Variants in ZRANB3 observed in about 807,000 individuals in gnomAD.
ZRANB3 encodes the protein DNA annealing helicase and endonuclease ZRANB3.
In ZRANB3, 125 loss-of-function variants were observed where a neutral mutation model predicts 133.8. The observed-to-expected ratio is 0.93, with a 90% CI of 0.81 to 1.08. The LOEUF (loss-of-function observed/expected upper bound fraction) is 1.08. Ranked by LOEUF, ZRANB3 falls within the 50% of genes least tolerant of loss-of-function variation. The probability of loss-of-function intolerance (pLI) is 0.00; values close to 1 mark genes in which losing one functional copy is unlikely to be tolerated. For missense variants in ZRANB3, 1,229 were observed against 1,275.5 expected (o/e 0.96, Z 0.56); for synonymous variants, 387 against 432.7 (o/e 0.89, Z 1.31).
chr2:135,505,043 T>C (rs1693112478), intron 1 of ZRANB3, among the ~76,000 whole-genome samples: 1 of 152,068 alleles, frequency 6.6e-6, no homozygotes, highest in South Asian at 2.1e-4. Context: ...ATTAATTCTT[T>C]TTAATGAGCT....
At chr2:135,360,319 T>G (rs1292223248) in intron 3 of ZRANB3, among the ~76,000 whole-genome samples, 1 of 151,708 alleles carries the variant, frequency 6.6e-6, no homozygotes, top group Non-Finnish European at 1.5e-5. Context: ...AGGCGGAGGT[T>G]GCAGTGAGCT....
rs374682433 is a variant in ZRANB3, at chr2:135,350,095, G to C, written c.480C>G (p.His160Gln). The change falls in exon 5 of 21, where the codon CAC (histidine) becomes CAG (glutamine). Residue 160 changes from histidine to glutamine, a missense_variant. Transcript: ENST00000264159. ...GAGTTGCATTTCTGGATTTCATGTA[G>C]TGTGATTCATCCACTATAACTACTT... ...NFKVVIVDES[H>Q]YMKSRNATRS... 8 of 1,613,672 alleles carry C rather than the reference G, an allele frequency of 5.0e-6. No homozygotes were observed. Among genetic ancestry groups the C allele is most frequent in the Non-Finnish European group, 6.8e-6 (8 of 1,179,870 alleles).
intron 8 of ZRANB3, among the ~76,000 whole-genome samples, chr2:135,278,359 A>G (rs189988256): frequency 2.0e-4 from 30 of 152,344 alleles, no homozygotes; most frequent in African/African-American, 6.7e-4. Flanking sequence ...TAAAAATCAG[A>G]TAGAATAGTA....
chr2:135,200,512 T>C, intron 20 of ZRANB3, 72 bp from the exon 21 acceptor site: 1 of 1,292,624 alleles, frequency 7.7e-7, no homozygotes. Context: ...AAAAACTCTT[T>C]ATATTGTTAG....
At position 135,217,458 on chromosome 2, in the gene ZRANB3, C is replaced by G; in HGVS notation, c.2495+7G>C. 6.2e-7 allele frequency: 1 copy of G among 1,600,230 alleles called. No homozygotes were observed. Among genetic ancestry groups the G allele is most frequent in the Non-Finnish European group, 8.5e-7 (1 of 1,175,056 alleles). On this transcript the variant is annotated splice_region_variant and intron_variant, in intron 17 of 20. Coordinates refer to ENST00000264159, the MANE Select transcript of ZRANB3 (RefSeq NM_032143.4). Reference sequence around the variant, plus strand: ...TAATACAAAATTTAAAAAAAGACAACTCATACCTTTTGGTGCAATTTTGTT... The same window carrying G: ...TAATACAAAATTTAAAAAAAGACAAGTCATACCTTTTGGTGCAATTTTGTT...
intron 2 of ZRANB3, among the ~76,000 whole-genome samples, chr2:135,436,529 T>C (rs922677914): frequency 6.6e-6 from 1 of 151,980 alleles, no homozygotes; most frequent in Non-Finnish European, 1.5e-5. Flanking sequence ...ACAAAAAGAA[T>C]AAAATACCTA....
intron 2 of ZRANB3, among the ~76,000 whole-genome samples, chr2:135,496,384 TAAAAA>T (rs56770947): frequency 1.5e-4 from 5 of 33,320 alleles, no homozygotes; most frequent in Admixed American, 3.8e-4. Context: ...AACTCCATCT[TAAAAA>T]AAAAAAAAAA....
chr2:135,329,328 A>T (rs771505716), intron 6 of ZRANB3, among the ~76,000 whole-genome samples: 23 of 152,072 alleles, frequency 1.5e-4, no homozygotes, highest in Non-Finnish European at 2.8e-4. Flanking sequence ...TCCTTTCCCC[A>T]TATTTGTTTT....
rs776713406 is a variant in ZRANB3 at position 135,230,512 on chromosome 2, C to T, written c.1954+1G>A. On this transcript the variant is annotated splice_donor_variant, in intron 13 of 20. Transcript: ENST00000264159. LOFTEE classifies it high-confidence loss of function. ...TCCATGGTCACCTTCTATATACTCA[C>T]CAGCACTGCCTTGAGGAGTCTCACA... 14 of 1,523,576 alleles carry T rather than the reference C, an allele frequency of 9.2e-6. No individual in the cohort carries two copies. Among genetic ancestry groups the T allele is most frequent in the Non-Finnish European group, 1.1e-5 (13 of 1,139,364 alleles). The allele number at this position is 1,523,576 out of a possible 1,614,324, so 94.4% of individuals were successfully genotyped here.
intron 4 of ZRANB3, among the ~76,000 whole-genome samples, chr2:135,351,549 T>C (rs1018415870): frequency 6.6e-6 from 1 of 152,172 alleles, no homozygotes; most frequent in South Asian, 2.1e-4. Flanking sequence ...CCGAGACCTA[T>C]AATTTTCTCA....
At chr2:135,389,937 G>C (rs569097617) in intron 3 of ZRANB3, among the ~76,000 whole-genome samples, 1 of 132,312 alleles carries the variant, frequency 7.6e-6, no homozygotes, top group Non-Finnish European at 1.5e-5. Context: ...CTGGAGTGCA[G>C]TGGCATGCTT....
chr2:135,270,456 T>G (rs564000132), intron 10 of ZRANB3, among the ~76,000 whole-genome samples: 1 of 152,272 alleles, frequency 6.6e-6, no homozygotes, highest in Non-Finnish European at 1.5e-5. Context: ...AAGCACAGCC[T>G]TGAATAAAAT....
chr2:135,489,187 T>G (rs1398001576), intron 2 of ZRANB3, among the ~76,000 whole-genome samples: 3 of 150,190 alleles, frequency 2.0e-5, no homozygotes, highest in Non-Finnish European at 4.4e-5. Flanking sequence ...TGGAAACACA[T>G]AAGAAAAACA....
At position 135,390,080 on chromosome 2, in the gene ZRANB3, C is replaced by T. The variant is rs533835724; in HGVS notation, c.180+722G>A. 8.4e-4 allele frequency among the ~76,000 whole-genome samples: 127 copies of T among 151,820 alleles called. 1 individual carries two copies. Among genetic ancestry groups the T allele is most frequent in the African/African-American group, 2.7e-3 (113 of 41,442 alleles). On this transcript the variant is annotated intron_variant, in intron 3 of 20. Coordinates refer to ENST00000264159, the MANE Select transcript of ZRANB3 (RefSeq NM_032143.4). ...TATTTTAATAGAGATGGGGTTTCAC[C>T]GTGTTAGCCAGGATGGTCTCAAACT...
chr2:135,418,395 C>A (rs925002993), intron 2 of ZRANB3, among the ~76,000 whole-genome samples: 2 of 152,070 alleles, frequency 1.3e-5, no homozygotes, highest in Admixed American at 6.5e-5. Context: ...TTATTTTAAA[C>A]AAACTTCTGG....
chr2:135,281,361 A>T lies in ZRANB3; in HGVS notation c.967-5606T>A, dbSNP rs190609297. Among the ~76,000 whole-genome samples, 1,068 of 151,006 alleles carry T rather than the reference A, an allele frequency of 7.1e-3. 11 individuals carry two copies. The highest frequency in any genetic ancestry group is 0.024 in the African/African-American group (1,001 of 41,224). ...GACCTTTTAAGCTCTTTTTTTTTTT[A>T]AAGCTCTTTTAATGTCTTCTTAGTC... On this transcript the variant is annotated intron_variant, in intron 8 of 20. Coordinates refer to ENST00000264159, the MANE Select transcript of ZRANB3 (RefSeq NM_032143.4).
chr2:135,223,348 CAG>C (rs1373270255), intron 15 of ZRANB3, among the ~76,000 whole-genome samples: 1 of 147,906 alleles, frequency 6.8e-6, no homozygotes, highest in East Asian at 2.0e-4. Flanking sequence ...TTTTTTGAGA[CAG>C]AGTCTCATTT....
At chr2:135,398,062 ATTAT>A (rs780802634) in intron 2 of ZRANB3, among the ~76,000 whole-genome samples, 1 of 151,398 alleles carries the variant, frequency 6.6e-6, no homozygotes, top group Non-Finnish European at 1.5e-5. Flanking sequence ...TGTTTTTCTT[ATTAT>A]TTATTTATTT....
At chr2:135,402,640 G>A (rs751302697) in intron 2 of ZRANB3, among the ~76,000 whole-genome samples, 1 of 151,566 alleles carries the variant, frequency 6.6e-6, no homozygotes, top group African/African-American at 2.4e-5. Flanking sequence ...AGGCTGGAGT[G>A]CAATGGTGCG....
Sources: gnomAD v4.1 joint callset for allele counts (sites outside exome capture counted in the v4.1 genomes callset) on GRCh38, gnomAD v4.1.1 for gene constraint, MANE v1.5 for transcripts, NCBI Gene and HGNC (gene_info 2026-07-23, HGNC 2026-07-21) for gene names.